Variants in AFF3 observed in about 807,000 individuals in gnomAD.
The protein encoded by AFF3 is AF4/FMR2 family member 3.
In AFF3, 32 loss-of-function variants were observed where a neutral mutation model predicts 129.7. That is an observed-to-expected ratio of 0.25 (90% CI 0.19 to 0.33). AFF3 has a LOEUF of 0.33. Among genes scored for constraint, AFF3 ranks in the 10% least tolerant of loss-of-function variants. The pLI, the probability that AFF3 is intolerant of heterozygous loss-of-function variation, is 1.00. For synonymous variants in AFF3, 644 were observed against 635.4 expected (o/e 1.01, Z -0.20); for missense variants, 1,373 against 1,592.0 (o/e 0.86, Z 2.34).
Position 99,554,739 on chromosome 2 carries a change from G to A in AFF3, c.3286-7C>T, listed in dbSNP as rs769987904. On this transcript the variant is annotated splice_polypyrimidine_tract_variant and splice_region_variant and intron_variant, in intron 22 of 24. Transcript: ENST00000672756. The stretch of plus-strand genomic sequence containing the variant: ...GGGCGGCTTTAGATGAGTTCTGCAA[G>A]AAAATAAAAACACTGACAGTGAGTG... The A allele has an allele frequency of 6.2e-7, 1 of 1,614,174 alleles. No homozygotes were observed. The highest frequency in any genetic ancestry group is 8.5e-7 in the Non-Finnish European group (1 of 1,180,030).
Position 99,777,968 on chromosome 2 carries a change from AAAAC to A in AFF3, c.922-25671_922-25668del, listed in dbSNP as rs1460927888. 1.2e-4 allele frequency among the ~76,000 whole-genome samples: 18 copies of A among 151,836 alleles called. 1 individual carries two copies. The South Asian group carries it at 1.3e-3, about 11-fold the overall frequency. ...AAAGCAAAAAAAAAAAAAAAAAAAA[AAAAC>A]AAAATGCAAAAATTAGTTCCAGCAC... On this transcript the variant is annotated intron_variant, in intron 8 of 24. Coordinates refer to ENST00000672756, the MANE Select transcript of AFF3 (RefSeq NM_001386135.1).
chr2:99,980,194 A>G (rs1033448847), intron 7 of AFF3, among the ~76,000 whole-genome samples: 12 of 152,196 alleles, frequency 7.9e-5, no homozygotes, highest in Admixed American at 3.3e-4. Flanking sequence ...GTGGAAACAA[A>G]TATTGTGCTA....
intron 7 of AFF3, among the ~76,000 whole-genome samples, chr2:99,962,081 T>C (rs1030221549): frequency 6.6e-6 from 1 of 151,998 alleles, no homozygotes; most frequent in African/African-American, 2.4e-5. Flanking sequence ...AATCCCACCA[T>C]GAAAAGTACC....
chr2:99,827,012 GAGA>G (rs1379388570), intron 8 of AFF3, among the ~76,000 whole-genome samples: 1 of 152,160 alleles, frequency 6.6e-6, no homozygotes, highest in African/African-American at 2.4e-5. Flanking sequence ...GAGTGTGAGG[GAGA>G]AGAAGAACCC....
intron 7 of AFF3, among the ~76,000 whole-genome samples, chr2:99,949,950 T>C (rs113993692): frequency 6.6e-5 from 10 of 152,302 alleles, no homozygotes; most frequent in African/African-American, 2.4e-4. Context: ...ATTTCAAATA[T>C]CAAATAATGG....
intron 7 of AFF3, among the ~76,000 whole-genome samples, chr2:99,871,554 C>T (rs1199003355): frequency 3.3e-5 from 5 of 152,168 alleles, no homozygotes; most frequent in Admixed American, 3.3e-4. Context: ...TTCTTCAAGG[C>T]TGACTCTTAA....
chr2:99,714,533 G>T (rs1186264207), intron 11 of AFF3, among the ~76,000 whole-genome samples: 1 of 152,046 alleles, frequency 6.6e-6, no homozygotes, highest in Non-Finnish European at 1.5e-5. Flanking sequence ...ACAAAAAGGA[G>T]GTCTCTGTGG....
chr2:99,814,254 C>T (rs1687035053), intron 8 of AFF3, among the ~76,000 whole-genome samples: 1 of 151,786 alleles, frequency 6.6e-6, no homozygotes, highest in African/African-American at 2.4e-5. Context: ...ACCACCACCA[C>T]CACCCTCAAA....
At chr2:100,029,891 G>A (rs924303843) in intron 4 of AFF3, among the ~76,000 whole-genome samples, 11 of 152,108 alleles carry the variant, frequency 7.2e-5, no homozygotes, top group Non-Finnish European at 1.2e-4. Context: ...ATGGCGAAAC[G>A]CTGACTCTAC....
At chr2:99,696,711 C>T (rs1676310587) in intron 11 of AFF3, among the ~76,000 whole-genome samples, 1 of 30,372 alleles carries the variant, frequency 3.3e-5, no homozygotes, top group African/African-American at 1.3e-4. Context: ...GGCTGGAGTG[C>T]AGTGGCTCAC....
chr2:100,032,209 C>T (rs1241871081), intron 4 of AFF3, among the ~76,000 whole-genome samples: 3 of 152,036 alleles, frequency 2.0e-5, no homozygotes, highest in Non-Finnish European at 2.9e-5. Context: ...AGGTGGATTA[C>T]GAGGTCAGGA....
intron 7 of AFF3, among the ~76,000 whole-genome samples, chr2:99,894,530 G>A (rs557637055): frequency 5.5e-4 from 83 of 151,254 alleles, no homozygotes; most frequent in African/African-American, 1.9e-3. Flanking sequence ...GTGCAGTGGC[G>A]CGATCTCAGC....
At chr2:100,075,000 C>T (rs1285372521) in intron 4 of AFF3, among the ~76,000 whole-genome samples, 2 of 152,150 alleles carry the variant, frequency 1.3e-5, no homozygotes, top group Non-Finnish European at 1.5e-5. Context: ...TTCCTTCTAG[C>T]AAACAGAGCA....
intron 13 of AFF3, among the ~76,000 whole-genome samples, chr2:99,603,277 G>A (rs564250279): frequency 2.0e-5 from 3 of 152,130 alleles, no homozygotes; most frequent in South Asian, 2.1e-4. Flanking sequence ...GATGGTTACT[G>A]TCATTGGAAT....
At chr2:99,668,229 T>C (rs1686849435) in intron 12 of AFF3, among the ~76,000 whole-genome samples, 1 of 151,996 alleles carries the variant, frequency 6.6e-6, no homozygotes, top group Non-Finnish European at 1.5e-5. Flanking sequence ...TGGAGTGCAG[T>C]GGCTTGATCA....
intron 7 of AFF3, among the ~76,000 whole-genome samples, chr2:99,974,808 T>G (rs1331660155): frequency 1.3e-5 from 2 of 152,232 alleles, no homozygotes; most frequent in Non-Finnish European, 2.9e-5. Flanking sequence ...CTTCTCCCAG[T>G]GCACCCACTG....
intron 11 of AFF3, among the ~76,000 whole-genome samples, chr2:99,690,540 G>A (rs1675555444): frequency 6.6e-6 from 1 of 152,126 alleles, no homozygotes; most frequent in Non-Finnish European, 1.5e-5. Context: ...GAATGGTTGG[G>A]CAGATTTGTC....
chr2:99,947,495 AAAAGAAAG>A (rs938349467), intron 7 of AFF3, among the ~76,000 whole-genome samples: 1 of 146,100 alleles, frequency 6.8e-6, no homozygotes, highest in Non-Finnish European at 1.5e-5. Context: ...CAGAAAAAGA[AAAAGAAAG>A]AAAGAAAAAG....
At chr2:99,733,212 T>G (rs1270138290) in intron 10 of AFF3, among the ~76,000 whole-genome samples, 1 of 151,980 alleles carries the variant, frequency 6.6e-6, no homozygotes, top group Non-Finnish European at 1.5e-5. Flanking sequence ...ACCCTGTTTC[T>G]ACTAAAAATA....
Sources: allele counts gnomAD v4.1 joint callset (sites outside exome capture counted in the v4.1 genomes callset), GRCh38; gene constraint gnomAD v4.1.1; transcripts MANE v1.5; gene names NCBI Gene and HGNC (gene_info 2026-07-23, HGNC 2026-07-21).